The following MAP2K7 variants were observed in gnomAD, a reference collection of about 807,000 sequenced individuals.
MAP2K7 encodes the protein dual specificity mitogen-activated protein kinase kinase 7.
In MAP2K7, 12 loss-of-function variants were observed where a neutral mutation model predicts 47.7. The ratio of observed to expected loss-of-function variants is 0.25; its 90% CI spans 0.16 to 0.41. MAP2K7 has a LOEUF of 0.41. Ranked by LOEUF, MAP2K7 falls within the 10% of genes least tolerant of loss-of-function variation. MAP2K7 has a pLI of 1.00. For missense variants in MAP2K7, 415 were observed against 600.3 expected (o/e 0.69, Z 3.23); for synonymous variants, 299 against 243.0 (o/e 1.23, Z -2.14).
chr19:7,905,780 TG>T (rs1568274389), intron 1 of MAP2K7: 1 of 1,596,140 alleles, frequency 6.3e-7, no homozygotes, highest in Middle Eastern at 1.7e-4. Context: ...ATCGTGGTGT[TG>T]TTTTTTTCTT....
chr19:7,904,547 A>T (rs757322960), intron 1 of MAP2K7: 29 of 239,634 alleles, frequency 1.2e-4, no homozygotes, highest in Non-Finnish European at 2.3e-4. Flanking sequence ...GGGACACCTG[A>T]GGTTACTTGA....
rs2145147568 is a variant in MAP2K7 at position 7,912,751 on chromosome 19, C to T, written c.*320C>T. 9.9e-6 allele frequency: 4 copies of T among 403,182 alleles called. No homozygotes were observed. Among genetic ancestry groups the T allele is most frequent in the Non-Finnish European group, 1.8e-5 (4 of 219,758 alleles). 25.0% of individuals were successfully genotyped at this position (403,182 alleles called of 1,614,324 possible). A position where few individuals can be genotyped will look rare whatever the true frequency, so the allele number is the denominator to read the frequency against. On this transcript the variant is annotated 3_prime_UTR_variant, in exon 11 of 11. Coordinates refer to ENST00000397979, the MANE Select transcript of MAP2K7 (RefSeq NM_145185.4). ...GCGGCCCCCAGGGGCCAGGAGAGAGCCCTGGAGTCCCGCAGCCACCATGCA... is the reference window on the plus strand; with the variant it reads ...GCGGCCCCCAGGGGCCAGGAGAGAGTCCTGGAGTCCCGCAGCCACCATGCA...
intron 1 of MAP2K7, chr19:7,905,942 C>A: frequency 8.4e-7 from 1 of 1,194,690 alleles, no homozygotes; most frequent in South Asian, 1.2e-5. Flanking sequence ...CCCCCAGCCC[C>A]CATGCTCTGT....
Position 7,911,104 on chromosome 19 carries a change from G to A in MAP2K7, c.800G>A (p.Arg267His). The change falls in exon 7 of 11, where the codon CGC becomes CAC. Residue 267 changes from arginine (R) to histidine (H), a missense_variant. By Grantham distance (29) the Arg-to-His change is conservative (BLOSUM62 0). Transcript: ENST00000397979. ...IKLCDFGISG[R>H]LVDSKAKTRS... Reference sequence around the variant, plus strand: ...CTCTGCGACTTCGGCATCAGCGGCCGCCTGGTGGACTCCAAAGCCAAGACG... The same window carrying A: ...CTCTGCGACTTCGGCATCAGCGGCCACCTGGTGGACTCCAAAGCCAAGACG... 1 of 1,612,450 alleles carries A rather than the reference G, an allele frequency of 6.2e-7. No homozygotes were observed. The highest frequency in any genetic ancestry group is 8.5e-7 in the Non-Finnish European group (1 of 1,179,844).
intron 1 of MAP2K7, among the ~76,000 whole-genome samples, chr19:7,908,451 G>A (rs942352212): frequency 1.3e-5 from 2 of 152,164 alleles, no homozygotes; most frequent in African/African-American, 2.4e-5. Flanking sequence ...TGAGATCAGG[G>A]TCCTGGGCAC....
chr19:7,910,829 T>C (rs771036915), intron 6 of MAP2K7, 26 bp downstream of exon 6: 4 of 1,578,994 alleles, frequency 2.5e-6, no homozygotes, highest in South Asian at 2.3e-5. Context: ...GGGCTTGCAC[T>C]GGGCAGGATG....
chr19:7,909,730 C>G, intron 1 of MAP2K7, 25 bp from the exon 2 acceptor site: 5 of 1,504,270 alleles, frequency 3.3e-6, no homozygotes, highest in Non-Finnish European at 4.5e-6. Flanking sequence ...ACCCCCCTCC[C>G]TGCCACTGGT....
rs777108716 is a variant in MAP2K7, at chr19:7,911,208, G to GC, written c.856-38dup. The stretch of plus-strand genomic sequence containing the variant: ...GGAGGGGGTGGGGGCTGGGAGGCCG[G>GC]CCCCAGCCTTGGAGATACGTCTTCT... On this transcript the variant is annotated intron_variant, in intron 7 of 10. Transcript: ENST00000397979. 2.0e-5 allele frequency: 32 copies of GC among 1,607,392 alleles called. No homozygotes were observed. In the Middle Eastern group the frequency reaches 1.2e-3, roughly 61 times the overall value.
rs557493846 is a variant in MAP2K7 at position 7,905,946 on chromosome 19, G to A, written c.124+1878G>A. 1.2e-3 allele frequency: 1,385 copies of A among 1,119,306 alleles called. 1 individual carries two copies. Among genetic ancestry groups the A allele is most frequent in the Non-Finnish European group, 1.3e-3 (995 of 737,394 alleles). The allele number at this position is 1,119,306 out of a possible 1,614,324, so 69.3% of individuals were successfully genotyped here. On this transcript the variant is annotated intron_variant, in intron 1 of 10. Coordinates refer to ENST00000397979, the MANE Select transcript of MAP2K7 (RefSeq NM_145185.4). ...CAGAATGGCGTCCCCCAGCCCCCAT[G>A]CTCTGTGTGTGTCCCCATGTCCCTT...
At chr19:7,905,750 A>G (rs4804833) in intron 1 of MAP2K7, 785,419 of 1,336,182 alleles carry the variant, frequency 0.59, 234,422 homozygotes, top group Admixed American at 0.63. Context: ...TGGACGAATC[A>G]GTCGTTTCTG....
At chr19:7,909,677 T>A (rs1982686782) in intron 1 of MAP2K7, 78 bp from the exon 2 acceptor site, 1 of 845,174 alleles carries the variant, frequency 1.2e-6, no homozygotes, top group African/African-American at 1.7e-5. Context: ...TCCCGACCCC[T>A]CCCTGGAGTG....
Position 7,910,600 on chromosome 19 carries a change from T to C in MAP2K7, c.567+28T>C, listed in dbSNP as rs1193833788. 5.6e-6 allele frequency: 9 copies of C among 1,612,864 alleles called. No individual in the cohort carries two copies. The South Asian group carries it at 9.9e-5, about 18-fold the overall frequency. On this transcript the variant is annotated intron_variant, in intron 5 of 10. Transcript: ENST00000397979. The stretch of plus-strand genomic sequence containing the variant: ...GAGTACCTGGCCGCGCCCTGCAGCG[T>C]CTCCTCCTCCCTCACCCCTGCCCCT...
intron 1 of MAP2K7, among the ~76,000 whole-genome samples, chr19:7,905,084 G>A (rs578014024): frequency 5.3e-5 from 8 of 151,456 alleles, no homozygotes; most frequent in Non-Finnish European, 8.8e-5. Context: ...CAAGATCCTG[G>A]TCTCTAAATC....
rs532968570 is a variant in MAP2K7, at chr19:7,912,621, C to A, written c.*190C>A. 14 of 677,414 alleles carry A rather than the reference C, an allele frequency of 2.1e-5. No homozygotes were observed. Among genetic ancestry groups the A allele is most frequent in the African/African-American group, 1.8e-4 (10 of 55,244 alleles). The allele number at this position is 677,414 out of a possible 1,614,324, so 42.0% of individuals were successfully genotyped here. On this transcript the variant is annotated 3_prime_UTR_variant, in exon 11 of 11. Transcript: ENST00000397979. ...CCTACCAAGCCCCCGCCCTTCCCAC[C>A]CCGGGGTCAGCCGGCCGTGTGCGTC... is the stretch of plus-strand genomic sequence containing the variant.
chr19:7,912,009 G>A, intron 9 of MAP2K7, 140 bp from the exon 10 acceptor site: 1 of 753,384 alleles, frequency 1.3e-6, no homozygotes, highest in South Asian at 1.7e-5. Context: ...GTCAGCCGGG[G>A]TCCTGAGGAC....
intron 1 of MAP2K7, among the ~76,000 whole-genome samples, chr19:7,909,248 C>T (rs1025527537): frequency 1.3e-5 from 2 of 152,174 alleles, no homozygotes; most frequent in East Asian, 1.9e-4. Context: ...GCCTGGGTCT[C>T]GTGCCCGCTG....
intron 10 of MAP2K7, 36 bp from the exon 11 acceptor site, chr19:7,912,261 C>T (rs778912263): frequency 5.6e-6 from 9 of 1,613,266 alleles, no homozygotes; most frequent in African/African-American, 2.7e-5. Context: ...GAGGGAAGAC[C>T]GTCTCCTCCT....
Position 7,911,318 on chromosome 19 carries a change from G to A in MAP2K7, c.924G>A (p.Leu308=). ...DYDIRADVWS[L]GISLVELATG... ...ACATCCGGGCCGACGTATGGAGCCTGGGCATCTCGTTGGTGAGTTGGGGCC... is the reference window on the plus strand; with the variant it reads ...ACATCCGGGCCGACGTATGGAGCCTAGGCATCTCGTTGGTGAGTTGGGGCC... The change falls in exon 8 of 11, where the codon CTG becomes CTA. Residue 308 remains leucine (L), a synonymous_variant. Coordinates refer to ENST00000397979, the MANE Select transcript of MAP2K7 (RefSeq NM_145185.4). 1.2e-6 allele frequency: 2 copies of A among 1,613,434 alleles called. No homozygotes were observed. Among genetic ancestry groups the A allele is most frequent in the South Asian group, 1.1e-5 (1 of 91,078 alleles).
chr19:7,909,992 G>T (rs534682844), intron 2 of MAP2K7, 71 bp from the exon 3 acceptor site: 4 of 1,521,050 alleles, frequency 2.6e-6, no homozygotes, highest in Non-Finnish European at 3.5e-6. Flanking sequence ...TGGGAACCCC[G>T]GTATGGGGGA....
Sources: gnomAD v4.1 joint callset for allele counts (sites outside exome capture counted in the v4.1 genomes callset) on GRCh38, gnomAD v4.1.1 for gene constraint, MANE v1.5 for transcripts, NCBI Gene and HGNC (gene_info 2026-07-23, HGNC 2026-07-21) for gene names.